Variants in PLXNA2 observed in about 807,000 individuals in gnomAD.
The protein encoded by PLXNA2 is plexin-A2.
A neutral mutation model predicts 193.5 loss-of-function variants in PLXNA2; 91 were observed. That is an observed-to-expected ratio of 0.47 (90% CI 0.40 to 0.56). PLXNA2 has a LOEUF of 0.56. Ranked by LOEUF, PLXNA2 falls within the 20% of genes least tolerant of loss-of-function variation. The pLI is 0.00. For missense variants in PLXNA2, 1,995 were observed against 2,503.2 expected, an observed-to-expected ratio of 0.80 and a Z score of 4.33; for synonymous variants, 997 against 1,027.3, an observed-to-expected ratio of 0.97 and a Z score of 0.56.
intron 4 of PLXNA2, among the ~76,000 whole-genome samples, chr1:208,134,427 C>T (rs1203688103): frequency 6.6e-6 from 1 of 152,138 alleles, no homozygotes; most frequent in Non-Finnish European, 1.5e-5. Flanking sequence ...GGGAAAGGCA[C>T]TGATGTGAGT....
chr1:208,150,115 T>G (rs957850879), intron 3 of PLXNA2, among the ~76,000 whole-genome samples: 1 of 152,098 alleles, frequency 6.6e-6, no homozygotes, highest in Non-Finnish European at 1.5e-5. Flanking sequence ...GAAACAGGGA[T>G]AAGGGTCTCT....
At position 208,217,335 on chromosome 1, in the gene PLXNA2, C is replaced by T. The variant is rs1401565464; in HGVS notation, c.588G>A (p.Pro196=). The T allele has an allele frequency of 1.6e-5, 26 of 1,614,004 alleles. No individual in the cohort carries two copies. Among genetic ancestry groups the T allele is most frequent in the East Asian group, 1.3e-4 (6 of 44,876 alleles). ...TAVDGKQDYF[P]TLSSRKLPRD... The stretch of plus-strand genomic sequence containing the variant: ...GGGGCAGCTTCCGGCTGGACAGGGT[C>T]GGGAAGTAATCCTGCTTCCCATCCA... The change falls in exon 2 of 32, where the codon CCG becomes CCA. Residue 196 remains proline, a synonymous_variant. Transcript: ENST00000367033. This position sits in a 1 kb window ranked among gnomAD's most constrained non-coding sequence, Gnocchi z 4.7.
At chr1:208,054,588 C>T (rs377529377) in intron 13 of PLXNA2, 50 bp from the exon 14 acceptor site, 200 of 1,291,768 alleles carry the variant, frequency 1.5e-4, no homozygotes, top group Admixed American at 3.7e-4. Context: ...GGGCTGGCAT[C>T]GCTGTTCACT....
intron 22 of PLXNA2, among the ~76,000 whole-genome samples, chr1:208,041,295 C>G (rs2785623): frequency 0.97 from 147,017 of 152,230 alleles, 71,222 homozygotes; most frequent in East Asian, 1. Context: ...AACGGAGGTG[C>G]AGCCCTCCAG....
intron 12 of PLXNA2, among the ~76,000 whole-genome samples, chr1:208,064,900 G>A (rs1665741722): frequency 6.6e-6 from 1 of 151,550 alleles, no homozygotes; most frequent in Non-Finnish European, 1.5e-5. Flanking sequence ...AACACACACA[G>A]AGACTGTGTC....
At chr1:208,208,927 G>A (rs937981726) in intron 3 of PLXNA2, among the ~76,000 whole-genome samples, 1 of 152,194 alleles carries the variant, frequency 6.6e-6, no homozygotes, top group African/African-American at 2.4e-5. Context: ...CGGCCTCAGG[G>A]TTCCAAGCTG....
chr1:208,233,645 C>T (rs1172625768), intron 1 of PLXNA2, among the ~76,000 whole-genome samples: 3 of 152,258 alleles, frequency 2.0e-5, no homozygotes, highest in African/African-American at 4.8e-5. Flanking sequence ...CCCTGCCTCT[C>T]ATTCCCTCGC....
At chr1:208,130,590 G>A (rs1215955205) in intron 4 of PLXNA2, among the ~76,000 whole-genome samples, 1 of 152,188 alleles carries the variant, frequency 6.6e-6, no homozygotes, top group African/African-American at 2.4e-5. Flanking sequence ...ATTGCCGCAA[G>A]GGGCATTCAA....
At position 208,044,599 on chromosome 1, in the gene PLXNA2, C is replaced by A. The variant is rs1208138063; in HGVS notation, c.3783G>T (p.Lys1261Asn). ...IIVIIVLIAY[K>N]RKSRENDLTL... ...TGAGGTCATTTTCTCGAGACTTGCGCTTGTAGGCAATGAGGACGATGATGA... is the reference window on the plus strand; with the variant it reads ...TGAGGTCATTTTCTCGAGACTTGCGATTGTAGGCAATGAGGACGATGATGA... The change falls in exon 20 of 32, where the codon AAG becomes AAT. Residue 1261 changes from lysine to asparagine, a missense_variant. Around this residue, in one of 3 missense-constraint regions of PLXNA2, gnomAD observed 1,291 missense variants for 1,673.6 expected, o/e 0.77. Coordinates refer to ENST00000367033, the MANE Select transcript of PLXNA2 (RefSeq NM_025179.4). This position sits in a 1 kb window ranked among gnomAD's most constrained non-coding sequence, Gnocchi z 4.9. 1 of 1,614,016 alleles carries A rather than the reference C, an allele frequency of 6.2e-7. No homozygotes were observed. The highest frequency in any genetic ancestry group is 8.5e-7 in the Non-Finnish European group (1 of 1,180,018).
At chr1:208,115,855 C>T (rs1414165335) in intron 4 of PLXNA2, among the ~76,000 whole-genome samples, 1 of 151,864 alleles carries the variant, frequency 6.6e-6, no homozygotes, top group African/African-American at 2.4e-5. Context: ...TGTTTTGTAC[C>T]AATAATACAA....
chr1:208,127,654 G>C (rs1435653815), intron 4 of PLXNA2, among the ~76,000 whole-genome samples: 1 of 152,206 alleles, frequency 6.6e-6, no homozygotes, highest in Non-Finnish European at 1.5e-5. Flanking sequence ...CTGATGTAGG[G>C]AGTAGAAGAG....
At chr1:208,057,050 A>C (rs539543693) in intron 13 of PLXNA2, among the ~76,000 whole-genome samples, 1 of 152,334 alleles carries the variant, frequency 6.6e-6, no homozygotes, top group South Asian at 2.1e-4. Context: ...TTAAAGGAAG[A>C]AGCTAGGGCA....
intron 3 of PLXNA2, among the ~76,000 whole-genome samples, chr1:208,205,077 G>A (rs1246305619): frequency 1.3e-5 from 2 of 152,140 alleles, no homozygotes; most frequent in Non-Finnish European, 2.9e-5. Flanking sequence ...GAAACCAAAG[G>A]AACTTCACCC....
chr1:208,171,756 T>C (rs1669501104), intron 3 of PLXNA2, among the ~76,000 whole-genome samples: 1 of 151,990 alleles, frequency 6.6e-6, no homozygotes, highest in African/African-American at 2.4e-5. Context: ...CTTGGGAAGC[T>C]GAGGTGAGAG....
intron 3 of PLXNA2, among the ~76,000 whole-genome samples, chr1:208,168,724 G>GTTTTTTTT (rs10668701): frequency 4.1e-5 from 3 of 73,196 alleles, no homozygotes; most frequent in Admixed American, 1.8e-4. Context: ...AGTATGCGGG[G>GTTTTTTTT]TTTTTTTTTT....
At chr1:208,197,339 A>G (rs1180222681) in intron 3 of PLXNA2, among the ~76,000 whole-genome samples, 1 of 152,248 alleles carries the variant, frequency 6.6e-6, no homozygotes, top group Non-Finnish European at 1.5e-5. Flanking sequence ...CTTGTGCATG[A>G]CGACACGTGA....
At chr1:208,208,101 A>T (rs1392081015) in intron 3 of PLXNA2, among the ~76,000 whole-genome samples, 1 of 152,262 alleles carries the variant, frequency 6.6e-6, no homozygotes, top group Non-Finnish European at 1.5e-5. Flanking sequence ...TGCACGATGC[A>T]TGGAGATATG....
intron 3 of PLXNA2, among the ~76,000 whole-genome samples, chr1:208,201,503 G>A (rs1670553911): frequency 6.6e-6 from 1 of 152,166 alleles, no homozygotes; most frequent in South Asian, 2.1e-4. Flanking sequence ...TCAGGGCTGG[G>A]AGTAGGGGAC....
intron 3 of PLXNA2, among the ~76,000 whole-genome samples, chr1:208,184,418 T>C (rs190131908): frequency 2.7e-5 from 4 of 149,338 alleles, no homozygotes; most frequent in Non-Finnish European, 2.9e-5. Flanking sequence ...CTCCACCCCC[T>C]GCTTAAAAAA....
Sources: gnomAD v4.1 joint callset for allele counts (sites outside exome capture counted in the v4.1 genomes callset) on GRCh38, gnomAD v4.1.1 for gene constraint, gnomAD v4.1.1 regional missense constraint, Gnocchi (gnomAD v3.1) non-coding constraint, MANE v1.5 for transcripts, NCBI Gene and HGNC (gene_info 2026-07-23, HGNC 2026-07-21) for gene names.